SFMBT2: variants seen among roughly 807,000 people sequenced by gnomAD.
SFMBT2 encodes Scm like with four mbt domains 2, also known as scm-like with four MBT domains protein 2.
Under a neutral mutation model 110.1 loss-of-function variants are expected in SFMBT2, and 38 were observed. That is an observed-to-expected ratio of 0.35 (90% confidence interval 0.27 to 0.45). The LOEUF (loss-of-function observed/expected upper bound fraction) is 0.45, where lower values mean the gene tolerates loss of function less well. SFMBT2 is among the 20% of genes least tolerant of loss of function. SFMBT2 has a pLI of 1.00. For missense variants in SFMBT2, 1,011 were observed against 1,094.9 expected, an observed-to-expected ratio of 0.92 and a Z score of 1.08; for synonymous variants, 425 against 425.4, an observed-to-expected ratio of 1.00 and a Z score of 0.01.
chr10:7,385,791 A>C (rs1257452794), intron 1 of SFMBT2, among the ~76,000 whole-genome samples: 3 of 152,048 alleles, frequency 2.0e-5, no homozygotes, highest in Non-Finnish European at 4.4e-5. Flanking sequence ...CGAGGTCAGG[A>C]GATCAAGACC....
At chr10:7,334,602 C>G (rs981905693) in intron 4 of SFMBT2, among the ~76,000 whole-genome samples, 2 of 152,130 alleles carry the variant, frequency 1.3e-5, no homozygotes, top group Non-Finnish European at 2.9e-5. Flanking sequence ...TCATTAAAAG[C>G]GGGACCTGTC....
At chr10:7,396,507 T>C (rs150719470) in intron 1 of SFMBT2, among the ~76,000 whole-genome samples, 77 of 152,252 alleles carry the variant, frequency 5.1e-4, no homozygotes, top group Non-Finnish European at 8.1e-4. Flanking sequence ...ATTAGGCAAA[T>C]TTGGGTAGAA....
At chr10:7,214,591 C>T in intron 11 of SFMBT2, 2 of 985,488 alleles carry the variant, frequency 2.0e-6, no homozygotes, top group East Asian at 1.1e-4. Flanking sequence ...TACTGCTCCT[C>T]AAACACACTT....
intron 4 of SFMBT2, among the ~76,000 whole-genome samples, chr10:7,329,066 T>C (rs140181664): frequency 6.6e-4 from 101 of 152,364 alleles, no homozygotes; most frequent in African/African-American, 2.3e-3. Context: ...TGCCATTGTA[T>C]GAGCATGTGG....
chr10:7,386,985 C>A (rs921459683), intron 1 of SFMBT2, among the ~76,000 whole-genome samples: 1 of 152,186 alleles, frequency 6.6e-6, no homozygotes, highest in Non-Finnish European at 1.5e-5. Flanking sequence ...CACGCCCTAA[C>A]CAGTCAATTA....
chr10:7,227,978 CA>C, intron 9 of SFMBT2, 41 bp from the exon 10 acceptor site: 1 of 1,491,044 alleles, frequency 6.7e-7, no homozygotes, highest in Non-Finnish European at 9.0e-7. Context: ...GCACATTAAG[CA>C]AAATCCCAGA....
intron 11 of SFMBT2, among the ~76,000 whole-genome samples, chr10:7,210,918 G>C (rs1298512304): frequency 6.6e-6 from 1 of 151,842 alleles, no homozygotes; most frequent in Non-Finnish European, 1.5e-5. Flanking sequence ...AGACGAGTAT[G>C]GGGGGGGTGT....
At chr10:7,284,427 C>A (rs775435054) in intron 5 of SFMBT2, 46 of 1,158,348 alleles carry the variant, frequency 4.0e-5, no homozygotes, top group Non-Finnish European at 4.7e-5. Context: ...AAACAAATCA[C>A]CCTTCCCAGA....
chr10:7,352,037 CT>C (rs1844340459), intron 4 of SFMBT2, among the ~76,000 whole-genome samples: 1 of 152,044 alleles, frequency 6.6e-6, no homozygotes, highest in African/African-American at 2.4e-5. Flanking sequence ...TCTGAAGTCG[CT>C]TTTTTCTGGG....
At chr10:7,314,618 C>A (rs952205808) in intron 4 of SFMBT2, among the ~76,000 whole-genome samples, 2 of 152,118 alleles carry the variant, frequency 1.3e-5, no homozygotes, top group African/African-American at 4.8e-5. Context: ...GCATAAAAAA[C>A]CAGACCCGGC....
chr10:7,288,218 G>A (rs570572447), intron 4 of SFMBT2, among the ~76,000 whole-genome samples: 14 of 152,134 alleles, frequency 9.2e-5, no homozygotes, highest in Middle Eastern at 3.4e-3. Context: ...GTCAACATCC[G>A]CCCACGCACA....
At chr10:7,392,209 T>A (rs530024660) in intron 1 of SFMBT2, among the ~76,000 whole-genome samples, 135 of 152,302 alleles carry the variant, frequency 8.9e-4, no homozygotes, top group African/African-American at 3.0e-3. Flanking sequence ...TTTTCTTTAT[T>A]TGACATTCAA....
chr10:7,275,480 G>A (rs1181542874), intron 7 of SFMBT2, among the ~76,000 whole-genome samples: 1 of 152,052 alleles, frequency 6.6e-6, no homozygotes, highest in African/African-American at 2.4e-5. Context: ...AAGAATAAAA[G>A]GGAGAGAAGA....
At chr10:7,335,027 G>C (rs983390820) in intron 4 of SFMBT2, among the ~76,000 whole-genome samples, 1 of 152,170 alleles carries the variant, frequency 6.6e-6, no homozygotes, top group Non-Finnish European at 1.5e-5. Context: ...AGAAGCCGGA[G>C]GGGGGAAAAG....
chr10:7,244,916 T>C (rs1182886317), intron 8 of SFMBT2, among the ~76,000 whole-genome samples: 3 of 152,202 alleles, frequency 2.0e-5, no homozygotes, highest in South Asian at 2.1e-4. Flanking sequence ...AGTGAGGTCA[T>C]GTCCGAGAGC....
chr10:7,250,695 C>T (rs1210279437), intron 7 of SFMBT2, among the ~76,000 whole-genome samples: 1 of 152,212 alleles, frequency 6.6e-6, no homozygotes, highest in Non-Finnish European at 1.5e-5. Context: ...TACATTCCCA[C>T]CAGCAGTGTG....
At chr10:7,318,194 C>A (rs1047280993) in intron 4 of SFMBT2, among the ~76,000 whole-genome samples, 2 of 152,190 alleles carry the variant, frequency 1.3e-5, no homozygotes, top group Non-Finnish European at 2.9e-5. Flanking sequence ...TCTGCCAGAA[C>A]CTTCTTGCCT....
At chr10:7,216,034 C>A (rs1217321443) in intron 11 of SFMBT2, among the ~76,000 whole-genome samples, 1 of 152,204 alleles carries the variant, frequency 6.6e-6, no homozygotes, top group Non-Finnish European at 1.5e-5. Flanking sequence ...TAATGCAAAC[C>A]AAGCCCCTGC....
intron 1 of SFMBT2, among the ~76,000 whole-genome samples, chr10:7,387,841 AGGAG>A (rs1845655871): frequency 6.6e-6 from 1 of 151,282 alleles, no homozygotes; most frequent in Non-Finnish European, 1.5e-5. Context: ...CCAGCTACTC[AGGAG>A]GCTGAGGCAG....
Sources: allele counts gnomAD v4.1 joint callset (sites outside exome capture counted in the v4.1 genomes callset), GRCh38; gene constraint gnomAD v4.1.1; transcripts MANE v1.5; gene names NCBI Gene and HGNC (gene_info 2026-07-23, HGNC 2026-07-21).